The following PCNT variants were observed in gnomAD, a reference collection of about 807,000 sequenced individuals.
PCNT encodes the protein pericentrin.
PCNT carries 319 observed loss-of-function variants against 380.4 expected under a neutral mutation model. That is an observed-to-expected ratio of 0.84 (90% CI 0.77 to 0.92). The LOEUF is 0.92. Among genes scored for constraint, PCNT ranks in the 40% least tolerant of loss-of-function variants. The probability of loss-of-function intolerance (pLI) is 0.00; values close to 1 mark genes in which losing one functional copy is unlikely to be tolerated. For missense variants in PCNT, 4,400 were observed against 4,255.3 expected, an observed-to-expected ratio of 1.03 and a Z score of -0.95; for synonymous variants, 1,845 against 1,735.2, an observed-to-expected ratio of 1.06 and a Z score of -1.57.
chr21:46,413,756 C>CA (rs1379936716), intron 29 of PCNT, among the ~76,000 whole-genome samples: 3 of 152,186 alleles, frequency 2.0e-5, no homozygotes, highest in Non-Finnish European at 4.4e-5. Flanking sequence ...CTGTTCACCT[C>CA]ACTCCATATT....
At position 46,355,635 on chromosome 21, in the gene PCNT, C is replaced by T; in HGVS notation, c.1936+9C>T. On this transcript the variant is annotated intron_variant, in intron 12 of 46. Coordinates refer to ENST00000359568, the MANE Select transcript of PCNT (RefSeq NM_006031.6). ...TGAAGGGCACAGCCAAGGTGGGCCC[C>T]TCCCGCCTCGCCATGGTGTCGGCAG... The T allele has an allele frequency of 2.5e-6, 4 of 1,611,926 alleles. No homozygotes were observed. The South Asian group carries it at 3.3e-5, about 13-fold the overall frequency.
intron 2 of PCNT, 124 bp downstream of exon 2, chr21:46,326,713 T>G: frequency 1.8e-6 from 2 of 1,101,494 alleles, no homozygotes; most frequent in Non-Finnish European, 2.7e-6. Flanking sequence ...GGGTGTTATT[T>G]TAGTTTATAA....
chr21:46,414,721 ACACAGCTGCCCACCCTCCTCCTCCTGGAC>A (rs2086947593), intron 29 of PCNT, among the ~76,000 whole-genome samples: 1 of 31,932 alleles, frequency 3.1e-5, no homozygotes, highest in Non-Finnish European at 6.8e-5. Context: ...CCTCCTGGAC[ACACAGCTGCCCACCCTCCTCCTCCTGGAC>A]ACGCAGCCGC....
intron 15 of PCNT, among the ~76,000 whole-genome samples, chr21:46,378,241 G>A (rs1372670115): frequency 2.6e-5 from 4 of 151,964 alleles, no homozygotes; most frequent in Non-Finnish European, 5.9e-5. Flanking sequence ...TGCTGTTTTT[G>A]TCTATACATA....
chr21:46,403,190 G>T (rs2086489187), intron 27 of PCNT, among the ~76,000 whole-genome samples: 1 of 141,268 alleles, frequency 7.1e-6, no homozygotes, highest in East Asian at 2.0e-4. Flanking sequence ...CTCGGTGAAT[G>T]AACACAGCGT....
intron 13 of PCNT, among the ~76,000 whole-genome samples, chr21:46,362,471 G>A (rs1452130333): frequency 6.6e-6 from 1 of 152,184 alleles, no homozygotes; most frequent in African/African-American, 2.4e-5. Context: ...CATAGTGGTT[G>A]TCTCTGGAGG....
At chr21:46,364,426 C>T (rs988416286) in intron 14 of PCNT, among the ~76,000 whole-genome samples, 1 of 138,860 alleles carries the variant, frequency 7.2e-6, no homozygotes, top group African/African-American at 2.5e-5. Flanking sequence ...TCTGCACTCC[C>T]TGGGTGGGTG....
At chr21:46,358,278 A>T (rs2839225) in intron 13 of PCNT, among the ~76,000 whole-genome samples, 2,228 of 152,308 alleles carry the variant, frequency 0.015, 204 homozygotes, top group Admixed American at 0.14. Context: ...CATGCTTGTG[A>T]CAGTGTTTTC....
chr21:46,346,085 T>C, intron 3 of PCNT, 43 bp from the exon 4 acceptor site: 1 of 1,573,834 alleles, frequency 6.4e-7, no homozygotes, highest in South Asian at 1.1e-5. Context: ...CTGTGGCTTC[T>C]CATGTGAATT....
At chr21:46,415,417 G>T (rs2330433) in intron 29 of PCNT, among the ~76,000 whole-genome samples, 3 of 119,588 alleles carry the variant, frequency 2.5e-5, no homozygotes, top group African/African-American at 8.8e-5. Flanking sequence ...TCGCTCTGTC[G>T]CCCAGGCTGG....
chr21:46,336,989 TG>T (rs753647139), intron 3 of PCNT, among the ~76,000 whole-genome samples: 5,362 of 27,722 alleles, frequency 0.19, 127 homozygotes, highest in Middle Eastern at 0.37. Flanking sequence ...TTGTTTTTTT[TG>T]TTTGTTTGTT....
Position 46,328,180 on chromosome 21 carries a change from T to C in PCNT, c.267+1591T>C, listed in dbSNP as rs1166421378. On this transcript the variant is annotated intron_variant, in intron 2 of 46. Transcript: ENST00000359568. Reference sequence around the variant, plus strand: ...ATTGAGTTGTTGGCAACAGTTAAAATTTGTGTTATTCTACCTACAAATCCT... The same window carrying C: ...ATTGAGTTGTTGGCAACAGTTAAAACTTGTGTTATTCTACCTACAAATCCT... Among the ~76,000 whole-genome samples the C allele has an allele frequency of 2.0e-5, 3 of 152,176 alleles. No individual in the cohort carries two copies. The East Asian group carries it at 5.8e-4, about 29-fold the overall frequency.
chr21:46,326,390 G>A lies in PCNT; in HGVS notation c.68G>A (p.Arg23Gln). The A allele has an allele frequency of 1.2e-6, 2 of 1,614,062 alleles. No homozygotes were observed. The highest frequency in any genetic ancestry group is 2.7e-5 in the African/African-American group (2 of 75,010). The part of the protein sequence containing the change: ...EAGRTKLAHF[R>Q]QRKTKGDSSH... ...ATTTTTGCGCAGCTTGCTCACTTCC[G>A]ACAGAGAAAAACAAAAGGTGACAGT... Residue 23 changes from arginine to glutamine, a missense_variant, in exon 2 of 47, where the codon CGA (arginine) becomes CAA (glutamine). Arg to Gln is a conservative substitution (Grantham distance 43). Coordinates refer to ENST00000359568, the MANE Select transcript of PCNT (RefSeq NM_006031.6).
At chr21:46,387,821 C>T (rs1294160403) in intron 17 of PCNT, among the ~76,000 whole-genome samples, 1 of 152,088 alleles carries the variant, frequency 6.6e-6, no homozygotes, top group Admixed American at 6.6e-5. Flanking sequence ...ACTGGGTCAA[C>T]GTGCCTGTCC....
rs773482539 is a variant in PCNT at position 46,432,152 on chromosome 21, G to C, written c.8688G>C (p.Glu2896Asp). ...EGRKAARRSA[E>D]ARQSPAAAEQ... ...GCAAGGCTGCGAGGAGGAGCGCGGA[G>C]GCCAGGCAGAGCCCAGCGGCTGCGG... Residue 2896 changes from glutamate to aspartate, a missense_variant, in exon 38 of 47, where the codon GAG (glutamate) becomes GAC (aspartate). By Grantham distance (45) the Glu-to-Asp change is conservative. Coordinates refer to ENST00000359568, the MANE Select transcript of PCNT (RefSeq NM_006031.6). 5 of 1,613,790 alleles carry C rather than the reference G, an allele frequency of 3.1e-6. No individual in the cohort carries two copies. Among genetic ancestry groups the C allele is most frequent in the Non-Finnish European group, 4.2e-6 (5 of 1,179,986 alleles).
Position 46,349,623 on chromosome 21 carries a change from G to A in PCNT, c.1208-61G>A, listed in dbSNP as rs2084195324. 9.0e-6 allele frequency: 14 copies of A among 1,562,888 alleles called. No homozygotes were observed. The Admixed American group carries it at 2.2e-4, about 24-fold the overall frequency. Reference sequence around the variant, plus strand: ...CTCTGGGTGCACCATTATTGTCACTGAGGTCGCTGTTGAGGAGAGTGATGT... The same window carrying A: ...CTCTGGGTGCACCATTATTGTCACTAAGGTCGCTGTTGAGGAGAGTGATGT... On this transcript the variant is annotated intron_variant, in intron 7 of 46. Transcript: ENST00000359568.
rs587784311 is a variant in PCNT, at chr21:46,411,750, G to T, written c.5677G>T (p.Ala1893Ser). Residue 1893 changes from alanine to serine, a missense_variant, in exon 28 of 47, where the codon GCC becomes TCC. Physicochemically the swap from Ala to Ser is moderately conservative, Grantham distance 99. Coordinates refer to ENST00000359568, the MANE Select transcript of PCNT (RefSeq NM_006031.6). The part of the protein sequence containing the change: ...RKAAHSAELE[A>S]VLLALARIRR... Reference sequence around the variant, plus strand: ...GGCGGCCCACTCTGCCGAGCTGGAGGCCGTCCTGTTGGCCTTGGCCCGCAT... The same window carrying T: ...GGCGGCCCACTCTGCCGAGCTGGAGTCCGTCCTGTTGGCCTTGGCCCGCAT... 6.2e-7 allele frequency: 1 copy of T among 1,611,014 alleles called. No homozygotes were observed.
chr21:46,337,612 C>T (rs1214587808), intron 3 of PCNT, among the ~76,000 whole-genome samples: 3 of 151,818 alleles, frequency 2.0e-5, no homozygotes, highest in East Asian at 1.9e-4. Context: ...GATGGAGTTT[C>T]GCTCTTGTTG....
chr21:46,364,866 C>G (rs2084844685), intron 14 of PCNT, among the ~76,000 whole-genome samples: 1 of 152,242 alleles, frequency 6.6e-6, no homozygotes, highest in Non-Finnish European at 1.5e-5. Flanking sequence ...CTACGACATG[C>G]AGTTCGTGGT....
Sources: gnomAD v4.1 joint callset for allele counts (sites outside exome capture counted in the v4.1 genomes callset) on GRCh38, gnomAD v4.1.1 for gene constraint, MANE v1.5 for transcripts, NCBI Gene and HGNC (gene_info 2026-07-23, HGNC 2026-07-21) for gene names.